FECH: variants seen among roughly 807,000 people sequenced by gnomAD.
FECH encodes ferrochelatase, mitochondrial.
FECH carries 40 observed loss-of-function variants against 56.9 expected under a neutral mutation model. That is an observed-to-expected ratio of 0.70 (90% CI 0.55 to 0.92). FECH has a LOEUF of 0.92. Ranked by LOEUF, FECH falls within the 40% of genes least tolerant of loss-of-function variation. FECH has a pLI of 0.00. For missense variants in FECH, 431 were observed against 529.1 expected (o/e 0.81, Z 1.82); for synonymous variants, 175 against 198.6 (o/e 0.88, Z 1.00).
In FECH at chr18:57,553,151, G is replaced by C. The variant is rs77416131; in HGVS notation, c.1077+1109C>G. On this transcript the variant is annotated intron_variant, in intron 9 of 10. Transcript: ENST00000262093. ...AAACTATATTTTCACTGAAGTTTTA[G>C]CAAGTTCACAATTAGCCAAGCTCAT... is the stretch of plus-strand genomic sequence containing the variant. Among the ~76,000 whole-genome samples, 1,442 of 151,366 alleles carry C rather than the reference G, an allele frequency of 9.5e-3. 24 individuals are homozygous for C. Among genetic ancestry groups the C allele is most frequent in the African/African-American group, 0.033 (1,382 of 41,390 alleles).
chr18:57,567,612 T>C (rs1455304092), intron 4 of FECH, among the ~76,000 whole-genome samples: 2 of 152,246 alleles, frequency 1.3e-5, no homozygotes, highest in Non-Finnish European at 2.9e-5. Flanking sequence ...ATGATAATGT[T>C]ACTGTCCAAA....
Position 57,548,397 on chromosome 18 carries a change from C to G in FECH, c.*2315G>C, listed in dbSNP as rs1368962168. The G allele has an allele frequency of 1.3e-5, 2 of 152,152 alleles. No individual in the cohort carries two copies. Among genetic ancestry groups the G allele is most frequent in the South Asian group, 2.1e-4 (1 of 4,834 alleles). 9.4% of individuals were successfully genotyped at this position (152,152 alleles called of 1,614,324 possible). A position where few individuals can be genotyped will look rare whatever the true frequency, so the allele number is the denominator to read the frequency against. On this transcript the variant is annotated 3_prime_UTR_variant, in exon 11 of 11. Coordinates refer to ENST00000262093, the MANE Select transcript of FECH (RefSeq NM_000140.5). ...AGAAGAGCACTATACATGCAGGGAC[C>G]TGGGCTTTATCATCACCCTGGCAAG... is the stretch of plus-strand genomic sequence containing the variant.
chr18:57,573,060 T>C, intron 3 of FECH, 186 bp downstream of exon 3: 1 of 651,408 alleles, frequency 1.5e-6, no homozygotes, highest in Non-Finnish European at 2.6e-6. Flanking sequence ...CCCACTAACT[T>C]ATTTGCTCTC....
At position 57,547,179 on chromosome 18, in the gene FECH, G is replaced by A. The variant is rs1012742688; in HGVS notation, c.*3533C>T. Among the ~76,000 whole-genome samples, 1 of 152,018 alleles carries A rather than the reference G, an allele frequency of 6.6e-6. No individual in the cohort carries two copies. The highest frequency in any genetic ancestry group is 2.4e-5 in the African/African-American group (1 of 41,384). On this transcript the variant is annotated 3_prime_UTR_variant, in exon 11 of 11. Coordinates refer to ENST00000262093, the MANE Select transcript of FECH (RefSeq NM_000140.5). ...AGGCAGAAGGGACTTGCCTTGTCTTGGATGAGACTTTGAACTTGGACTTTT... is the reference window on the plus strand; with the variant it reads ...AGGCAGAAGGGACTTGCCTTGTCTTAGATGAGACTTTGAACTTGGACTTTT...
At chr18:57,583,227 G>A (rs775471105) in intron 1 of FECH, among the ~76,000 whole-genome samples, 3 of 152,102 alleles carry the variant, frequency 2.0e-5, no homozygotes, top group African/African-American at 2.4e-5. Flanking sequence ...ATTAGCATTC[G>A]TCCAGGCTAA....
intron 5 of FECH, among the ~76,000 whole-genome samples, chr18:57,564,196 G>A (rs2050987475): frequency 2.0e-5 from 3 of 152,142 alleles, no homozygotes; most frequent in Admixed American, 2.0e-4. Context: ...GTTATTAATG[G>A]CCTCATGATA....
chr18:57,550,030 G>A lies in FECH; in HGVS notation c.*682C>T, dbSNP rs982484473. On this transcript the variant is annotated 3_prime_UTR_variant, in exon 11 of 11. Coordinates refer to ENST00000262093, the MANE Select transcript of FECH (RefSeq NM_000140.5). ...CACCAAGGCACGTATCATGAACACT[G>A]TACTTGTACACGTTTATTACCCTTG... The A allele has an allele frequency of 3.9e-5, 6 of 152,452 alleles. No individual in the cohort carries two copies. The highest frequency in any genetic ancestry group is 1.4e-4 in the African/African-American group (6 of 41,444). The allele number at this position is 152,452 out of a possible 1,614,324, so 9.4% of individuals were successfully genotyped here. A position where few individuals can be genotyped will look rare whatever the true frequency, so the allele number is the denominator to read the frequency against.
At chr18:57,559,646 G>T (rs1355342159) in intron 6 of FECH, among the ~76,000 whole-genome samples, 1 of 152,196 alleles carries the variant, frequency 6.6e-6, no homozygotes, top group East Asian at 1.9e-4. Context: ...AGCCTCCTTA[G>T]TTTGGCTTTC....
intron 2 of FECH, among the ~76,000 whole-genome samples, chr18:57,574,098 A>G (rs1249099778): frequency 6.6e-6 from 1 of 152,162 alleles, no homozygotes; most frequent in Non-Finnish European, 1.5e-5. Context: ...TCCGCCTTCC[A>G]GGTTTAAGCA....
chr18:57,560,484 C>A (rs1339037423), intron 6 of FECH, among the ~76,000 whole-genome samples: 4 of 152,204 alleles, frequency 2.6e-5, no homozygotes, highest in Admixed American at 2.0e-4. Context: ...GACCTAATCT[C>A]CACAACATTT....
At chr18:57,572,490 A>G (rs1435970365) in intron 3 of FECH, among the ~76,000 whole-genome samples, 1 of 141,306 alleles carries the variant, frequency 7.1e-6, no homozygotes, top group Non-Finnish European at 1.5e-5. Flanking sequence ...GCAGCACACC[A>G]ACATGGCACA....
intron 6 of FECH, among the ~76,000 whole-genome samples, chr18:57,562,064 AAAG>A (rs1406841524): frequency 6.6e-6 from 1 of 152,222 alleles, no homozygotes; most frequent in Non-Finnish European, 1.5e-5. Context: ...CCAGGCTTCT[AAAG>A]AAGTTGTTAG....
intron 5 of FECH, among the ~76,000 whole-genome samples, chr18:57,566,186 T>A (rs962790528): frequency 2.0e-5 from 3 of 152,190 alleles, no homozygotes; most frequent in Non-Finnish European, 4.4e-5. Flanking sequence ...CATTACACAA[T>A]GGCATTAAAG....
Position 57,572,539 on chromosome 18 carries a change from G to T in FECH, c.314+707C>A, listed in dbSNP as rs1297049611. Among the ~76,000 whole-genome samples, 116 of 94,564 alleles carry T rather than the reference G, an allele frequency of 1.2e-3. 1 individual carries two copies. The highest frequency in any genetic ancestry group is 0.012 in the Admixed American group (93 of 7,988). 62.0% of individuals were successfully genotyped at this position (94,564 alleles called of 152,430 possible). A position where few individuals can be genotyped will look rare whatever the true frequency, so the allele number is the denominator to read the frequency against. On this transcript the variant is annotated intron_variant, in intron 3 of 10. Transcript: ENST00000262093. ...AAAAAAAAAAAAAAAAAAAAAAAAG[G>T]AAAGTTTCAAATATAGTACATAAGT...
rs1435616867 is a variant in FECH, at chr18:57,554,271, A to G, written c.1066T>C (p.Leu356=). 1 of 1,614,264 alleles carries G rather than the reference A, an allele frequency of 6.2e-7. No homozygotes were observed. Among genetic ancestry groups the G allele is most frequent in the East Asian group, 2.2e-5 (1 of 44,894 alleles). Residue 356 remains leucine, a synonymous_variant, in exon 9 of 11, where the codon TTA becomes CTA. Transcript: ENST00000262093. ...YELDIEYSQV[L]AKECGVENIR... is the part of the protein sequence containing the mutation. ...ATGGGTGCATTTACCTCCTTGGCTA[A>G]AACTTGAGAGTACTCGATGTCCAGC...
chr18:57,561,996 A>C (rs948321216), intron 6 of FECH, among the ~76,000 whole-genome samples: 2 of 152,146 alleles, frequency 1.3e-5, no homozygotes, highest in African/African-American at 4.8e-5. Context: ...CTCTGGGGAG[A>C]GCTGGCCTGA....
chr18:57,551,054 A>C (rs2050790962), intron 10 of FECH: 1 of 672,506 alleles, frequency 1.5e-6, no homozygotes, highest in Non-Finnish European at 2.5e-6. Context: ...TCAGGAGATG[A>C]AAACCTCTTA....
rs1180467659 is a variant in FECH, at chr18:57,548,463, T to C, written c.*2249A>G. The C allele has an allele frequency of 6.6e-6, 1 of 152,184 alleles. No individual in the cohort carries two copies. The highest frequency in any genetic ancestry group is 1.5e-5 in the Non-Finnish European group (1 of 68,026). 9.4% of individuals were successfully genotyped at this position (152,184 alleles called of 1,614,324 possible). A position where few individuals can be genotyped will look rare whatever the true frequency, so the allele number is the denominator to read the frequency against. On this transcript the variant is annotated 3_prime_UTR_variant, in exon 11 of 11. Coordinates refer to ENST00000262093, the MANE Select transcript of FECH (RefSeq NM_000140.5). ...AACACTGTCCCTGCAAAAGTTTCTG[T>C]AGAAGTTGATTCATCAATTAAAAGC... is the stretch of plus-strand genomic sequence containing the variant.
At chr18:57,559,755 C>T (rs1219582220) in intron 6 of FECH, among the ~76,000 whole-genome samples, 1 of 152,220 alleles carries the variant, frequency 6.6e-6, no homozygotes, top group African/African-American at 2.4e-5. Context: ...ATATCCCCAT[C>T]AAGTCAATTT....
Sources: allele counts gnomAD v4.1 joint callset (sites outside exome capture counted in the v4.1 genomes callset), GRCh38; gene constraint gnomAD v4.1.1; transcripts MANE v1.5; gene names NCBI Gene and HGNC (gene_info 2026-07-23, HGNC 2026-07-21).